Variants in APAF1 observed in about 807,000 individuals in gnomAD.
The protein encoded by APAF1 is apoptotic protease-activating factor 1.
A neutral mutation model predicts 152.4 loss-of-function variants in APAF1; 91 were observed. The ratio of observed to expected loss-of-function variants is 0.60; its 90% confidence interval spans 0.50 to 0.71. The LOEUF (loss-of-function observed/expected upper bound fraction) is 0.71, where lower values mean the gene tolerates loss of function less well. Among genes scored for constraint, APAF1 ranks in the 30% least tolerant of loss-of-function variants. The pLI, the probability that APAF1 is intolerant of heterozygous loss-of-function variation, is 0.00. For missense variants in APAF1, 1,283 were observed against 1,472.0 expected (o/e 0.87, Z 2.10); for synonymous variants, 484 against 494.1 (o/e 0.98, Z 0.27).
chr12:98,706,508 A>T lies in APAF1; in HGVS notation c.2619A>T (p.Ser873=). 1 of 1,614,060 alleles carries T rather than the reference A, an allele frequency of 6.2e-7. No individual in the cohort carries two copies. The highest frequency in any genetic ancestry group is 8.5e-7 in the Non-Finnish European group (1 of 1,179,932). Residue 873 remains serine (S), a synonymous_variant, in exon 19 of 27, where the codon TCA becomes TCT. Coordinates refer to ENST00000551964, the MANE Select transcript of APAF1 (RefSeq NM_181861.2). ...CVELWNTDSR[S]KVADCRGHLS... ...AGTTGTGGAATACAGACTCACGTTC[A>T]AAGGTGGCTGATTGCAGAGGACATT...
intron 5 of APAF1, among the ~76,000 whole-genome samples, chr12:98,660,978 A>T (rs2097664347): frequency 6.6e-6 from 1 of 152,200 alleles, no homozygotes; most frequent in South Asian, 2.1e-4. Flanking sequence ...ATCTCTGCTC[A>T]CTGAAGCTCC....
At chr12:98,714,046 G>T (rs1225442800) in intron 21 of APAF1, among the ~76,000 whole-genome samples, 1 of 152,178 alleles carries the variant, frequency 6.6e-6, no homozygotes, top group Non-Finnish European at 1.5e-5. Flanking sequence ...TTAAGCAAGG[G>T]ATAATTGTAT....
At chr12:98,707,262 A>G (rs560979126) in intron 19 of APAF1, among the ~76,000 whole-genome samples, 46 of 152,306 alleles carry the variant, frequency 3.0e-4, no homozygotes, top group Non-Finnish European at 5.0e-4. Flanking sequence ...ACAGGGAACC[A>G]ACACTGGACT....
intron 10 of APAF1, among the ~76,000 whole-genome samples, chr12:98,667,891 C>A (rs1392040479): frequency 6.6e-6 from 1 of 151,254 alleles, no homozygotes. Flanking sequence ...CCACTTCAGC[C>A]CCCCATGTAG....
At chr12:98,712,469 C>A in intron 21 of APAF1, 34 bp downstream of exon 21, 2 of 1,181,516 alleles carry the variant, frequency 1.7e-6, no homozygotes, top group Non-Finnish European at 1.3e-6. Flanking sequence ...TCTTTCTGTA[C>A]AGAATTAAAT....
intron 22 of APAF1, 149 bp from the exon 23 acceptor site, chr12:98,723,044 C>T (rs914371323): frequency 1.4e-6 from 1 of 720,034 alleles, no homozygotes; most frequent in South Asian, 1.8e-5. Flanking sequence ...AAAATGTGGA[C>T]ACCACAGTCT....
intron 20 of APAF1, 75 bp from the exon 21 acceptor site, chr12:98,712,243 CA>C: frequency 1.2e-6 from 1 of 817,014 alleles, no homozygotes; most frequent in African/African-American, 1.7e-5. Flanking sequence ...TTATTTTTTT[CA>C]ATTGAAGCCT....
At chr12:98,696,048 C>T (rs780545365) in intron 16 of APAF1, among the ~76,000 whole-genome samples, 4 of 152,084 alleles carry the variant, frequency 2.6e-5, no homozygotes, top group Non-Finnish European at 5.9e-5. Flanking sequence ...TGGATTATGC[C>T]GAGAGAAAAA....
chr12:98,692,525 C>A (rs2097705436), intron 16 of APAF1, among the ~76,000 whole-genome samples: 1 of 152,080 alleles, frequency 6.6e-6, no homozygotes, highest in Non-Finnish European at 1.5e-5. Flanking sequence ...TAGCATAGTA[C>A]CCAATAGGTG....
Position 98,671,588 on chromosome 12 carries a change from T to C in APAF1, c.1662T>C (p.Leu554=). The C allele has an allele frequency of 1.2e-6, 2 of 1,614,056 alleles. No individual in the cohort carries two copies. The highest frequency in any genetic ancestry group is 1.3e-5 in the African/African-American group (1 of 75,008). Residue 554 remains leucine, a synonymous_variant, in exon 12 of 27, where the codon CTT becomes CTC. Coordinates refer to ENST00000551964, the MANE Select transcript of APAF1 (RefSeq NM_181861.2). ...AGTTTTTATCTTTAAATGGACACCT[T>C]CTTGGACGACAGCCATTTCCTAATA... is the stretch of plus-strand genomic sequence containing the variant. ...FQEFLSLNGH[L]LGRQPFPNIV...
Position 98,731,591 on chromosome 12 carries a change from C to G in APAF1, c.3601-829C>G, listed in dbSNP as rs189842240. On this transcript the variant is annotated intron_variant, in intron 26 of 26. Coordinates refer to ENST00000551964, the MANE Select transcript of APAF1 (RefSeq NM_181861.2). ...ACTAATAGTGAACATGCTTACTTGA[C>G]CCACTCACATGGGAAAGACAAAATG... Among the ~76,000 whole-genome samples the G allele has an allele frequency of 4.3e-4, 66 of 152,292 alleles. 1 individual carries two copies. Among genetic ancestry groups the G allele is most frequent in the African/African-American group, 1.5e-3 (63 of 41,552 alleles).
intron 5 of APAF1, among the ~76,000 whole-genome samples, chr12:98,659,658 A>G (rs763359913): frequency 1.3e-4 from 19 of 146,840 alleles, no homozygotes; most frequent in Non-Finnish European, 2.7e-4. Flanking sequence ...AGGCTGAGGC[A>G]GGAGAATCGC....
In APAF1 at chr12:98,732,411, T is replaced by C. The variant is rs1259775592; in HGVS notation, c.3601-9T>C. On this transcript the variant is annotated splice_polypyrimidine_tract_variant and intron_variant, in intron 26 of 26. Coordinates refer to ENST00000551964, the MANE Select transcript of APAF1 (RefSeq NM_181861.2). ...CAATCTAATGAGAATTTTATTTTTC[T>C]CTGAACAGTGGTGGAACGTTGTCAC... 3 of 1,612,446 alleles carry C rather than the reference T, an allele frequency of 1.9e-6. No homozygotes were observed. Among genetic ancestry groups the C allele is most frequent in the Admixed American group, 3.3e-5 (2 of 60,022 alleles).
At chr12:98,688,094 G>T (rs2097699917) in intron 16 of APAF1, among the ~76,000 whole-genome samples, 1 of 152,112 alleles carries the variant, frequency 6.6e-6, no homozygotes, top group Non-Finnish European at 1.5e-5. Context: ...TTTTTGAGAA[G>T]CCACAAGGTA....
chr12:98,647,705 GTTTTTTTTTT>G lies in APAF1; in HGVS notation c.-41-603_-41-594del, dbSNP rs66849928. On this transcript the variant is annotated intron_variant, in intron 1 of 26. Transcript: ENST00000551964. Reference sequence around the variant, plus strand: ...GTGTTGTATGTGGGATCATGTTTCTGTTTTTTTTTTTTTTTTTTTTCAGCAACAGTATTAT... The same window carrying G: ...GTGTTGTATGTGGGATCATGTTTCTGTTTTTTTTTTCAGCAACAGTATTAT... Among the ~76,000 whole-genome samples, 4 of 105,530 alleles carry G rather than the reference GTTTTTTTTTT, an allele frequency of 3.8e-5. No individual in the cohort carries two copies. The South Asian group carries it at 9.5e-4, about 25-fold the overall frequency. The allele number at this position is 105,530 out of a possible 152,430, so 69.2% of individuals were successfully genotyped here.
intron 4 of APAF1, among the ~76,000 whole-genome samples, chr12:98,654,019 A>G (rs529721418): frequency 2.0e-5 from 3 of 152,204 alleles, no homozygotes; most frequent in Non-Finnish European, 4.4e-5. Context: ...TTCCCTGAAT[A>G]AAGGCAACTT....
chr12:98,714,888 A>T (rs1593103379), intron 21 of APAF1, among the ~76,000 whole-genome samples: 1 of 105,900 alleles, frequency 9.4e-6, no homozygotes. Context: ...ATTTGTTACT[A>T]CTTTTATTTA....
At chr12:98,691,283 G>A (rs1176758913) in intron 16 of APAF1, among the ~76,000 whole-genome samples, 1 of 151,770 alleles carries the variant, frequency 6.6e-6, no homozygotes, top group Non-Finnish European at 1.5e-5. Flanking sequence ...TGTTTCATTA[G>A]TTGTTTCCTC....
At chr12:98,730,057 G>A (rs1177970833) in intron 26 of APAF1, among the ~76,000 whole-genome samples, 1 of 152,134 alleles carries the variant, frequency 6.6e-6, no homozygotes, top group Non-Finnish European at 1.5e-5. Context: ...ATTACACATT[G>A]TATCACATGT....
Sources: gnomAD v4.1 joint callset for allele counts (sites outside exome capture counted in the v4.1 genomes callset) on GRCh38, gnomAD v4.1.1 for gene constraint, MANE v1.5 for transcripts, NCBI Gene and HGNC (gene_info 2026-07-23, HGNC 2026-07-21) for gene names.